PRKN: variants seen among roughly 807,000 people sequenced by gnomAD.
The protein encoded by PRKN is E3 ubiquitin-protein ligase parkin.
Under a neutral mutation model 59.5 loss-of-function variants are expected in PRKN, and 56 were observed. The observed-to-expected ratio is 0.94, with a 90% CI of 0.76 to 1.18. The LOEUF is 1.18. Ranked by LOEUF, PRKN falls within the 50% of genes most tolerant of loss-of-function variation. The probability of loss-of-function intolerance (pLI) is 0.00; values close to 1 mark genes in which losing one functional copy is unlikely to be tolerated. For missense variants in PRKN, 657 were observed against 596.4 expected (o/e 1.10, Z -1.06); for synonymous variants, 250 against 222.1 (o/e 1.13, Z -1.12).
chr6:161,635,622 T>C (rs9458321), intron 7 of PRKN, among the ~76,000 whole-genome samples: 8,654 of 152,274 alleles, frequency 0.057, 841 homozygotes, highest in African/African-American at 0.2. Flanking sequence ...CCGGATTTTA[T>C]GCAAAGCTAT....
At chr6:162,597,817 C>CA (rs1331657227) in intron 1 of PRKN, among the ~76,000 whole-genome samples, 1 of 152,124 alleles carries the variant, frequency 6.6e-6, no homozygotes, top group Non-Finnish European at 1.5e-5. Flanking sequence ...TTTCAGGTTA[C>CA]AAAGGAACTG....
chr6:162,273,928 T>C (rs1196862076), intron 2 of PRKN, among the ~76,000 whole-genome samples: 1 of 152,144 alleles, frequency 6.6e-6, no homozygotes, highest in Admixed American at 6.6e-5. Context: ...TATCATATTA[T>C]TTACTCAACA....
At chr6:162,185,537 G>A (rs568205991) in intron 4 of PRKN, among the ~76,000 whole-genome samples, 3 of 152,256 alleles carry the variant, frequency 2.0e-5, no homozygotes, top group South Asian at 4.1e-4. Context: ...TGTTATCTGC[G>A]TCCTTCATTA....
At chr6:161,770,464 ATTTAT>A (rs1188756841) in intron 7 of PRKN, among the ~76,000 whole-genome samples, 1 of 151,638 alleles carries the variant, frequency 6.6e-6, no homozygotes, top group Non-Finnish European at 1.5e-5. Context: ...TTATTTATTT[ATTTAT>A]TTATTTATTC....
At chr6:162,143,002 T>A (rs1781853345) in intron 4 of PRKN, among the ~76,000 whole-genome samples, 1 of 152,244 alleles carries the variant, frequency 6.6e-6, no homozygotes, top group Non-Finnish European at 1.5e-5. Flanking sequence ...TTGGTCAAGA[T>A]GATTTGCAGT....
At chr6:161,959,815 T>A (rs1186274581) in intron 6 of PRKN, among the ~76,000 whole-genome samples, 1 of 152,154 alleles carries the variant, frequency 6.6e-6, no homozygotes, top group Non-Finnish European at 1.5e-5. Context: ...TTCACAGAAA[T>A]TAACTTATTT....
intron 6 of PRKN, among the ~76,000 whole-genome samples, chr6:161,917,422 T>A (rs1778610676): frequency 6.6e-6 from 1 of 152,156 alleles, no homozygotes; most frequent in Admixed American, 6.5e-5. Flanking sequence ...TTCATTTTTA[T>A]TTCAAATTTC....
At chr6:162,153,424 G>C (rs891021947) in intron 4 of PRKN, among the ~76,000 whole-genome samples, 21 of 152,220 alleles carry the variant, frequency 1.4e-4, no homozygotes, top group African/African-American at 5.1e-4. Context: ...CAGAGGGCAT[G>C]TTACAATGCT....
At position 161,592,642 on chromosome 6, in the gene PRKN, G is replaced by A. The variant is rs951806966; in HGVS notation, c.872-23226C>T. On this transcript the variant is annotated intron_variant, in intron 7 of 11. Transcript: ENST00000366898. This position sits in a 1 kb window ranked among gnomAD's most constrained non-coding sequence, Gnocchi z 4.8. ...AAAGAGAGAAAACCCTAAGGGCTAT[G>A]GAGAAAGATGAAGCAGGGAAACTGT... Among the ~76,000 whole-genome samples, 1 of 152,094 alleles carries A rather than the reference G, an allele frequency of 6.6e-6. No individual in the cohort carries two copies. The highest frequency in any genetic ancestry group is 1.5e-5 in the Non-Finnish European group (1 of 68,032).
chr6:162,595,762 A>C (rs1781476502), intron 1 of PRKN, among the ~76,000 whole-genome samples: 1 of 152,190 alleles, frequency 6.6e-6, no homozygotes, highest in Admixed American at 6.5e-5. Flanking sequence ...TCCTCTCTGA[A>C]CTAGAGTTCT....
intron 1 of PRKN, among the ~76,000 whole-genome samples, chr6:162,692,835 T>C (rs1777832345): frequency 6.6e-6 from 1 of 152,194 alleles, no homozygotes; most frequent in Admixed American, 6.5e-5. Flanking sequence ...GATTTTATGA[T>C]TTCTATGAGT....
chr6:162,655,456 G>A (rs1252569215), intron 1 of PRKN, among the ~76,000 whole-genome samples: 1 of 152,136 alleles, frequency 6.6e-6, no homozygotes, highest in Non-Finnish European at 1.5e-5. Flanking sequence ...TATATACAAA[G>A]AGAGAGTATA....
chr6:161,524,873 G>A lies in PRKN; in HGVS notation c.1083+23981C>T, dbSNP rs142275216. 4.3e-3 allele frequency among the ~76,000 whole-genome samples: 659 copies of A among 152,250 alleles called. 7 individuals are homozygous for A. Among genetic ancestry groups the A allele is most frequent in the Middle Eastern group, 0.017 (5 of 294 alleles). On this transcript the variant is annotated intron_variant, in intron 9 of 11. Coordinates refer to ENST00000366898, the MANE Select transcript of PRKN (RefSeq NM_004562.3). ...ATCTGCTTTCCTTCCCAATGAGTAG[G>A]TGTACGCAGGACGGAGCCTGTCAGA...
At chr6:162,168,564 A>AAC (rs1783102159) in intron 4 of PRKN, among the ~76,000 whole-genome samples, 1 of 145,534 alleles carries the variant, frequency 6.9e-6, no homozygotes, top group Non-Finnish European at 1.5e-5. Context: ...TACAAAAAAA[A>AAC]AAAAAAAAAA....
intron 2 of PRKN, among the ~76,000 whole-genome samples, chr6:162,428,600 A>G (rs1789357069): frequency 1.3e-5 from 2 of 152,260 alleles, no homozygotes; most frequent in South Asian, 4.1e-4. Flanking sequence ...TATATCTCAC[A>G]TAGCCAAGTA....
intron 7 of PRKN, among the ~76,000 whole-genome samples, chr6:161,703,672 T>C (rs73597197): frequency 0.058 from 8,759 of 152,120 alleles, 516 homozygotes; most frequent in African/African-American, 0.15. Context: ...ATAAACATTG[T>C]AATGCCTCTC....
chr6:161,548,676 T>A lies in PRKN; in HGVS notation c.1083+178A>T, dbSNP rs1003019945. 3.1e-6 allele frequency: 2 copies of A among 637,362 alleles called. No homozygotes were observed. The highest frequency in any genetic ancestry group is 5.5e-6 in the Non-Finnish European group (2 of 365,458). The allele number at this position is 637,362 out of a possible 1,614,324, so 39.5% of individuals were successfully genotyped here. ...AACTGTTTTCACCAAAATAAATACA[T>A]AAATTTTCAAATCTGGAGTCCTATA... On this transcript the variant is annotated intron_variant, in intron 9 of 11. Coordinates refer to ENST00000366898, the MANE Select transcript of PRKN (RefSeq NM_004562.3). This position sits in a 1 kb window ranked among gnomAD's most constrained non-coding sequence, Gnocchi z 4.2.
intron 10 of PRKN, among the ~76,000 whole-genome samples, chr6:161,367,973 G>A (rs188136733): frequency 1.8e-3 from 281 of 152,150 alleles, no homozygotes; most frequent in African/African-American, 6.5e-3. Context: ...GTTCAGAATC[G>A]GAGCCCCGAG....
Position 161,785,901 on chromosome 6 carries a change from C to G in PRKN, c.742G>C (p.Val248Leu), listed in dbSNP as rs777074432. ...CITCTDVRSP[V>L]LVFQCNSRHV... ...CGGGAGTTGCACTGGAAAACCAGGA[C>G]GGGGCTCCTGCAGAGAGAAAGGAAG... The change falls in exon 7 of 12, where the codon GTC (valine) becomes CTC (leucine). Residue 248 changes from valine (V) to leucine (L), a missense_variant. Coordinates refer to ENST00000366898, the MANE Select transcript of PRKN (RefSeq NM_004562.3). 6.2e-7 allele frequency: 1 copy of G among 1,614,064 alleles called. No homozygotes were observed. The highest frequency in any genetic ancestry group is 8.5e-7 in the Non-Finnish European group (1 of 1,179,998).
Sources: gnomAD v4.1 joint callset for allele counts (sites outside exome capture counted in the v4.1 genomes callset) on GRCh38, gnomAD v4.1.1 for gene constraint, Gnocchi (gnomAD v3.1) non-coding constraint, MANE v1.5 for transcripts, NCBI Gene and HGNC (gene_info 2026-07-23, HGNC 2026-07-21) for gene names.